CFHR5: variants seen among roughly 807,000 people sequenced by gnomAD.
The protein encoded by CFHR5 is complement factor H related 5, also known as complement factor H-related protein 5.
CFHR5 carries 73 observed loss-of-function variants against 62.9 expected under a neutral mutation model. That is an observed-to-expected ratio of 1.16 (90% CI 0.96 to 1.41). The LOEUF is 1.41. CFHR5 is among the 40% of genes most tolerant of loss of function. The pLI is 0.00. For missense variants in CFHR5, 779 were observed against 679.9 expected, an observed-to-expected ratio of 1.15 and a Z score of -1.62; for synonymous variants, 249 against 227.2, an observed-to-expected ratio of 1.10 and a Z score of -0.86.
chr1:196,977,099 GC>G (rs1017110937), upstream of CFHR5, among the ~76,000 whole-genome samples: 17 of 151,878 alleles, frequency 1.1e-4, no homozygotes, highest in African/African-American at 4.1e-4. Flanking sequence ...GAGCCATTGC[GC>G]CCGGCCAGCA....
At position 197,002,481 on chromosome 1, in the gene CFHR5, G is replaced by C. The variant is rs759831501; in HGVS notation, c.1148-1G>C. ...TATAATTTAATTCCAATATTTTGTA[G>C]AAAAAAGGGAACAATTCTGCCCACC... On this transcript the variant is annotated splice_acceptor_variant, in intron 7 of 9. Transcript: ENST00000256785. LOFTEE classifies it high-confidence loss of function. 2.5e-6 allele frequency: 4 copies of C among 1,610,180 alleles called. No homozygotes were observed. Among genetic ancestry groups the C allele is most frequent in the Admixed American group, 1.7e-5 (1 of 59,868 alleles).
At chr1:196,986,897 C>G (rs1653697531) in intron 3 of CFHR5, among the ~76,000 whole-genome samples, 1 of 152,164 alleles carries the variant, frequency 6.6e-6, no homozygotes, top group African/African-American at 2.4e-5. Context: ...AATGAGATCA[C>G]TGGGTCAAAT....
At chr1:196,988,741 C>A (rs1326280822) in intron 3 of CFHR5, among the ~76,000 whole-genome samples, 1 of 152,068 alleles carries the variant, frequency 6.6e-6, no homozygotes, top group African/African-American at 2.4e-5. Context: ...GGTGGATAAG[C>A]TTTTTGATGT....
At chr1:196,975,057 C>A (rs1653363116), upstream of CFHR5, among the ~76,000 whole-genome samples, 1 of 152,114 alleles carries the variant, frequency 6.6e-6, no homozygotes, top group South Asian at 2.1e-4. Flanking sequence ...GATGGTGAAG[C>A]CTTTGAGACA....
At chr1:196,995,570 C>T (rs1434060440) in intron 4 of CFHR5, 147 bp from the exon 5 acceptor site, 1 of 675,624 alleles carries the variant, frequency 1.5e-6, no homozygotes, top group Non-Finnish European at 2.6e-6. Context: ...GCAGTCAATA[C>T]ACTATGTACA....
Position 196,984,079 on chromosome 1 carries a change from GA to G in CFHR5, c.377del (p.Asn126ThrfsTer5). ...NTGYSLQNNE[K>X]NISCVERGWS... is the part of the protein sequence containing the mutation. ...CAGGATACAGCCTTCAAAACAATGA[GA>G]AAAACATTTCGTGTGTAGAACGGGG... On this transcript the variant is annotated frameshift_variant, in exon 3 of 10. Coordinates refer to ENST00000256785, the MANE Select transcript of CFHR5 (RefSeq NM_030787.4). LOFTEE classifies it high-confidence loss of function. 6.2e-7 allele frequency: 1 copy of G among 1,613,764 alleles called. No homozygotes were observed. The highest frequency in any genetic ancestry group is 8.5e-7 in the Non-Finnish European group (1 of 1,179,830).
intron 3 of CFHR5, among the ~76,000 whole-genome samples, chr1:196,992,917 G>A (rs752050089): frequency 1.8e-4 from 27 of 152,068 alleles, no homozygotes; most frequent in Non-Finnish European, 3.4e-4. Context: ...TTATTAGTTA[G>A]AACATATTTC....
chr1:196,995,238 T>C (rs1653958362), intron 4 of CFHR5, among the ~76,000 whole-genome samples: 1 of 152,010 alleles, frequency 6.6e-6, no homozygotes, highest in African/African-American at 2.4e-5. Context: ...TACAAAATAT[T>C]GGGAAAGATG....
intron 3 of CFHR5, among the ~76,000 whole-genome samples, chr1:196,991,631 G>C (rs1223975077): frequency 6.6e-6 from 1 of 152,266 alleles, no homozygotes; most frequent in Admixed American, 6.5e-5. Context: ...TCCCTCAGCT[G>C]CAGGTCTGTT....
At chr1:196,976,130 G>T (rs985127069), upstream of CFHR5, among the ~76,000 whole-genome samples, 3 of 152,176 alleles carry the variant, frequency 2.0e-5, no homozygotes, top group Admixed American at 2.0e-4. Flanking sequence ...ACAAGGTTTA[G>T]ATAGACTAGA....
At chr1:196,980,984 TC>T (rs959959999) in intron 1 of CFHR5, among the ~76,000 whole-genome samples, 11 of 152,190 alleles carry the variant, frequency 7.2e-5, no homozygotes, top group Non-Finnish European at 1.3e-4. Context: ...AGTCTTTCCC[TC>T]AGTATCTTCT....
At chr1:196,988,830 CT>C (rs201160818) in intron 3 of CFHR5, among the ~76,000 whole-genome samples, 2,053 of 151,860 alleles carry the variant, frequency 0.014, 46 homozygotes, top group African/African-American at 0.045. Context: ...CTAAAATTCT[CT>C]TTTTTTTGTT....
chr1:196,992,990 A>G (rs759924289), intron 3 of CFHR5, among the ~76,000 whole-genome samples: 5 of 152,112 alleles, frequency 3.3e-5, no homozygotes, highest in Non-Finnish European at 7.4e-5. Flanking sequence ...TCAATTATTT[A>G]TTTTACACAA....
intron 3 of CFHR5, among the ~76,000 whole-genome samples, chr1:196,986,480 A>G (rs1277691166): frequency 6.6e-5 from 10 of 151,844 alleles, no homozygotes. Context: ...TTAACTCGTG[A>G]TTTACATTAT....
chr1:197,002,694 T>G, intron 8 of CFHR5, 30 bp downstream of exon 8: 1 of 1,567,438 alleles, frequency 6.4e-7, no homozygotes, highest in Non-Finnish European at 8.8e-7. Context: ...GTAATTTCAC[T>G]TAAAAAGAGG....
In CFHR5 at chr1:196,982,940, T is replaced by G. The variant is rs1653579038; in HGVS notation, c.114T>G (p.Asp38Glu). ...IHHGFLYDEE[D>E]YNPFSQVPTG... Reference sequence around the variant, plus strand: ...ATGGATTTCTGTATGATGAAGAAGATTATAACCCTTTTTCCCAAGTTCCTA... The same window carrying G: ...ATGGATTTCTGTATGATGAAGAAGAGTATAACCCTTTTTCCCAAGTTCCTA... Residue 38 changes from aspartate (D) to glutamate (E), a missense_variant, in exon 2 of 10, where the codon GAT (aspartate) becomes GAG (glutamate). Physicochemically the swap from Asp to Glu is conservative, Grantham distance 45 (BLOSUM62 2). Coordinates refer to ENST00000256785, the MANE Select transcript of CFHR5 (RefSeq NM_030787.4). 1.9e-6 allele frequency: 3 copies of G among 1,614,018 alleles called. No individual in the cohort carries two copies. Among genetic ancestry groups the G allele is most frequent in the Admixed American group, 1.7e-5 (1 of 60,006 alleles).
intron 7 of CFHR5, among the ~76,000 whole-genome samples, chr1:197,001,056 G>C (rs996718524): frequency 3.9e-5 from 6 of 152,048 alleles, no homozygotes; most frequent in Non-Finnish European, 8.8e-5. Flanking sequence ...TTCTTTTGCA[G>C]TTAATTACTG....
In CFHR5 at chr1:196,984,131, T is replaced by C; in HGVS notation, c.424T>C (p.Phe142Leu). 3 of 1,613,138 alleles carry C rather than the reference T, an allele frequency of 1.9e-6. No individual in the cohort carries two copies. The highest frequency in any genetic ancestry group is 1.7e-6 in the Non-Finnish European group (2 of 1,179,264). Reference sequence around the variant, plus strand: ...CTGGTCCACTCCTCCCATATGCAGCTTCACTAGTAAGCAAAATACCACTCT... The same window carrying C: ...CTGGTCCACTCCTCCCATATGCAGCCTCACTAGTAAGCAAAATACCACTCT... ...RGWSTPPICSFTKGECHVPIL... is the reference protein window; with the variant it reads ...RGWSTPPICSLTKGECHVPIL... The change falls in exon 3 of 10, where the codon TTC becomes CTC. Residue 142 changes from phenylalanine to leucine, a missense_variant. Phe to Leu is a conservative substitution (Grantham distance 22, BLOSUM62 0). Coordinates refer to ENST00000256785, the MANE Select transcript of CFHR5 (RefSeq NM_030787.4).
chr1:197,002,570 A>T lies in CFHR5; in HGVS notation c.1236A>T (p.Lys412Asn). 1 of 1,613,364 alleles carries T rather than the reference A, an allele frequency of 6.2e-7. No homozygotes were observed. The highest frequency in any genetic ancestry group is 8.5e-7 in the Non-Finnish European group (1 of 1,179,460). Residue 412 changes from lysine (K) to asparagine (N), a missense_variant, in exon 8 of 10, where the codon AAA (lysine) becomes AAT (asparagine). Coordinates refer to ENST00000256785, the MANE Select transcript of CFHR5 (RefSeq NM_030787.4). The stretch of plus-strand genomic sequence containing the variant: ...CAGTGAATTATCAGGATGGAGAAAA[A>T]GTAGCTGTTCTCTGTAAAGAAAACT... Reference protein sequence around the residue: ...TTTVNYQDGEKVAVLCKENYL... With the variant: ...TTTVNYQDGENVAVLCKENYL...
Sources: gnomAD v4.1 joint callset for allele counts (sites outside exome capture counted in the v4.1 genomes callset) on GRCh38, gnomAD v4.1.1 for gene constraint, MANE v1.5 for transcripts, NCBI Gene and HGNC (gene_info 2026-07-23, HGNC 2026-07-21) for gene names.